Variants in CPEB3 observed in about 807,000 individuals in gnomAD.
The protein encoded by CPEB3 is cytoplasmic polyadenylation element-binding protein 3.
A neutral mutation model predicts 67.2 loss-of-function variants in CPEB3; 20 were observed. The observed-to-expected ratio is 0.30, with a 90% CI of 0.21 to 0.43. The LOEUF (loss-of-function observed/expected upper bound fraction) is 0.43, where lower values mean the gene tolerates loss of function less well. Among genes scored for constraint, CPEB3 ranks in the 20% least tolerant of loss-of-function variants. The probability of loss-of-function intolerance (pLI) is 1.00; values close to 1 mark genes in which losing one functional copy is unlikely to be tolerated. For synonymous variants in CPEB3, 376 were observed against 393.1 expected (o/e 0.96, Z 0.51); for missense variants, 746 against 968.6 (o/e 0.77, Z 3.05).
chr10:92,139,265 G>GA (rs545913953), intron 6 of CPEB3, among the ~76,000 whole-genome samples: 36 of 139,596 alleles, frequency 2.6e-4, no homozygotes, highest in Non-Finnish European at 4.8e-4. Flanking sequence ...CAACAAGAGT[G>GA]AAACTCCATC....
At position 92,075,952 on chromosome 10, in the gene CPEB3, CA is replaced by C. The variant is rs1171689709; in HGVS notation, c.1869+5367del. On this transcript the variant is annotated intron_variant, in intron 9 of 9. Transcript: ENST00000265997. ...CTTCATGTACCTTCCACACTGTACA[CA>C]AGAAAGTTGCAACCTGAGGGGACAC... is the stretch of plus-strand genomic sequence containing the variant. Among the ~76,000 whole-genome samples the C allele has an allele frequency of 5.3e-5, 8 of 152,176 alleles. No homozygotes were observed. The East Asian group carries it at 1.5e-3, about 29-fold the overall frequency.
intron 4 of CPEB3, 115 bp from the exon 5 acceptor site, chr10:92,145,200 A>G: frequency 8.4e-7 from 1 of 1,183,778 alleles, no homozygotes; most frequent in East Asian, 2.5e-5. Context: ...AGAGAGAAGC[A>G]TACAAAAAAA....
chr10:92,099,215 C>A (rs1330827968), intron 7 of CPEB3, among the ~76,000 whole-genome samples: 1 of 118,084 alleles, frequency 8.5e-6, no homozygotes, highest in Admixed American at 9.7e-5. Context: ...CAATATGGGT[C>A]TTTTCGTCTT....
In CPEB3 at chr10:92,130,463, C is replaced by T. The variant is rs543729883; in HGVS notation, c.1453+12566G>A. 7.2e-5 allele frequency among the ~76,000 whole-genome samples: 11 copies of T among 152,200 alleles called. 1 individual carries two copies. The South Asian group carries it at 2.1e-3, about 29-fold the overall frequency. On this transcript the variant is annotated intron_variant, in intron 6 of 9. Coordinates refer to ENST00000265997, the MANE Select transcript of CPEB3 (RefSeq NM_014912.5). ...GTCTCAGTGGTGTTCTAAGGGCAAC[C>T]ATTTCCTTACTTGTGGTCCACAGAC...
chr10:92,161,874 G>A (rs1304495368), intron 4 of CPEB3, among the ~76,000 whole-genome samples: 1 of 151,856 alleles, frequency 6.6e-6, no homozygotes. Context: ...TATTGGCCAG[G>A]CTGGTCTCGA....
intron 1 of CPEB3, among the ~76,000 whole-genome samples, chr10:92,287,075 T>C (rs1842560164): frequency 6.6e-6 from 1 of 152,162 alleles, no homozygotes; most frequent in Non-Finnish European, 1.5e-5. Context: ...GAGGAAAAAG[T>C]TGTTTTTGTC....
chr10:92,095,928 T>G (rs935486524), intron 7 of CPEB3, among the ~76,000 whole-genome samples: 14 of 151,072 alleles, frequency 9.3e-5, no homozygotes, highest in Non-Finnish European at 1.8e-4. Context: ...CAGGCTGGAG[T>G]GCAGTGGCAC....
At chr10:92,290,871 G>A (rs1842836034) in intron 1 of CPEB3, 55 bp downstream of exon 1, 1 of 152,644 alleles carries the variant, frequency 6.6e-6, no homozygotes, top group Non-Finnish European at 1.5e-5. Flanking sequence ...CACCTGGCTC[G>A]GTCCCACCTG....
chr10:92,286,711 T>C (rs1842544543), intron 1 of CPEB3, among the ~76,000 whole-genome samples: 1 of 152,130 alleles, frequency 6.6e-6, no homozygotes, highest in Non-Finnish European at 1.5e-5. Context: ...GAATGAGGAC[T>C]CAGCCTGCAG....
chr10:92,217,198 C>G (rs1850458326), intron 2 of CPEB3, among the ~76,000 whole-genome samples: 1 of 86,996 alleles, frequency 1.1e-5, no homozygotes, highest in Non-Finnish European at 1.9e-5. Context: ...CACAGCGAGA[C>G]TCTGCCTCAA....
intron 1 of CPEB3, among the ~76,000 whole-genome samples, chr10:92,274,202 C>T (rs183394612): frequency 4.6e-5 from 7 of 152,260 alleles, no homozygotes; most frequent in African/African-American, 7.2e-5. Flanking sequence ...TGAGATAATG[C>T]ATGTGAAGGG....
chr10:92,254,385 T>C (rs78285999), intron 1 of CPEB3, among the ~76,000 whole-genome samples: 2,447 of 152,266 alleles, frequency 0.016, 63 homozygotes, highest in African/African-American at 0.056. Context: ...GAAGTCCACA[T>C]CTTCTGAGTG....
At chr10:92,063,807 G>A (rs1231597806) in intron 9 of CPEB3, among the ~76,000 whole-genome samples, 3 of 151,808 alleles carry the variant, frequency 2.0e-5, no homozygotes, top group South Asian at 4.2e-4. Flanking sequence ...CCTAAGGCAC[G>A]TAAAGCATGC....
intron 6 of CPEB3, among the ~76,000 whole-genome samples, chr10:92,116,555 T>TAAA (rs78774347): frequency 3.4e-5 from 5 of 148,214 alleles, no homozygotes; most frequent in Non-Finnish European, 7.5e-5. Context: ...TGAAAGGTAT[T>TAAA]AAAAAAAAAA....
At chr10:92,184,841 G>A (rs570195673) in intron 3 of CPEB3, among the ~76,000 whole-genome samples, 7 of 152,034 alleles carry the variant, frequency 4.6e-5, no homozygotes, top group Non-Finnish European at 8.8e-5. Flanking sequence ...GAGAAAACAA[G>A]CTCACCAAGG....
At chr10:92,137,537 G>C in intron 6 of CPEB3, 1 of 806,556 alleles carries the variant, frequency 1.2e-6, no homozygotes, top group South Asian at 1.3e-5. Context: ...AAGTTCATAA[G>C]GGACCCCATT....
At position 92,130,734 on chromosome 10, in the gene CPEB3, T is replaced by G. The variant is rs1460655536; in HGVS notation, c.1453+12295A>C. ...CTTAACAATCCACTGAAAATGGTCATGCTTTTACAAACCCTACTTCAAATC... is the reference window on the plus strand; with the variant it reads ...CTTAACAATCCACTGAAAATGGTCAGGCTTTTACAAACCCTACTTCAAATC... On this transcript the variant is annotated intron_variant, in intron 6 of 9. Coordinates refer to ENST00000265997, the MANE Select transcript of CPEB3 (RefSeq NM_014912.5). 3.3e-5 allele frequency among the ~76,000 whole-genome samples: 5 copies of G among 151,686 alleles called. No individual in the cohort carries two copies. The East Asian group carries it at 9.8e-4, about 30-fold the overall frequency.
intron 9 of CPEB3, among the ~76,000 whole-genome samples, chr10:92,059,182 C>T (rs1298608196): frequency 1.3e-5 from 2 of 151,724 alleles, no homozygotes; most frequent in Admixed American, 1.3e-4. Context: ...CAAAATTAGC[C>T]AGGCATGGTA....
chr10:92,276,095 G>A (rs1305151741), intron 1 of CPEB3, among the ~76,000 whole-genome samples: 2 of 151,350 alleles, frequency 1.3e-5, no homozygotes, highest in Non-Finnish European at 2.9e-5. Context: ...TGATCCACCC[G>A]CCTCGACCTC....
Sources: gnomAD v4.1 joint callset for allele counts (sites outside exome capture counted in the v4.1 genomes callset) on GRCh38, gnomAD v4.1.1 for gene constraint, MANE v1.5 for transcripts, NCBI Gene and HGNC (gene_info 2026-07-23, HGNC 2026-07-21) for gene names.